The following CLHC1 variants were observed in gnomAD, a reference collection of about 807,000 sequenced individuals.
CLHC1 encodes the protein clathrin heavy chain linker domain-containing protein 1.
A neutral mutation model predicts 69.5 loss-of-function variants in CLHC1; 72 were observed. The ratio of observed to expected loss-of-function variants is 1.04; its 90% CI spans 0.86 to 1.26. The LOEUF (loss-of-function observed/expected upper bound fraction) is 1.26, where lower values mean the gene tolerates loss of function less well. Ranked by LOEUF, CLHC1 falls within the 50% of genes most tolerant of loss-of-function variation. CLHC1 has a pLI of 0.00. For missense variants in CLHC1, 790 were observed against 679.3 expected (o/e 1.16, Z -1.81); for synonymous variants, 223 against 224.3 (o/e 0.99, Z 0.05).
chr2:55,211,928 A>C (rs1406781467), intron 5 of CLHC1, among the ~76,000 whole-genome samples: 1 of 152,226 alleles, frequency 6.6e-6, no homozygotes, highest in Non-Finnish European at 1.5e-5. Context: ...AACTTAATAC[A>C]CTACAGTTTT....
intron 9 of CLHC1, among the ~76,000 whole-genome samples, chr2:55,203,830 A>C (rs908975619): frequency 2.0e-5 from 3 of 152,202 alleles, no homozygotes; most frequent in Non-Finnish European, 4.4e-5. Context: ...CAAGGTAAAA[A>C]GCTTCTGCAC....
At chr2:55,230,742 A>G (rs774127943) in intron 1 of CLHC1, among the ~76,000 whole-genome samples, 8 of 152,184 alleles carry the variant, frequency 5.3e-5, no homozygotes, top group Non-Finnish European at 1.0e-4. Context: ...TGTGTCAAAT[A>G]CTGCTGACAG....
intron 9 of CLHC1, among the ~76,000 whole-genome samples, chr2:55,184,313 C>T (rs914348511): frequency 6.6e-6 from 1 of 151,912 alleles, no homozygotes; most frequent in African/African-American, 2.4e-5. Context: ...CACCAGTTGC[C>T]CAGGCTGGTC....
intron 9 of CLHC1, among the ~76,000 whole-genome samples, chr2:55,191,268 G>A (rs532679151): frequency 1.1e-3 from 174 of 152,294 alleles, no homozygotes; most frequent in Middle Eastern, 3.4e-3. Context: ...TGCAGACGGA[G>A]TCTCTCTCTG....
chr2:55,227,409 G>T (rs930325090), intron 2 of CLHC1, among the ~76,000 whole-genome samples: 15 of 152,050 alleles, frequency 9.9e-5, no homozygotes, highest in African/African-American at 3.6e-4. Flanking sequence ...ACCAGGCGCG[G>T]TGGCTCACGC....
intron 2 of CLHC1, among the ~76,000 whole-genome samples, chr2:55,226,129 T>C (rs540036322): frequency 2.7e-4 from 41 of 150,598 alleles, no homozygotes; most frequent in Admixed American, 7.3e-4. Flanking sequence ...GAGGCGGAGG[T>C]TGCAGTGAGC....
upstream of CLHC1, chr2:55,232,487 C>T (rs770386810): frequency 1.4e-5 from 6 of 415,816 alleles, no homozygotes; most frequent in Non-Finnish European, 2.7e-5. Flanking sequence ...GTTGCTTAAA[C>T]CTACAGTTTC....
At chr2:55,197,123 G>T (rs1426036775) in intron 9 of CLHC1, among the ~76,000 whole-genome samples, 1 of 152,086 alleles carries the variant, frequency 6.6e-6, no homozygotes, top group African/African-American at 2.4e-5. Context: ...CTGCGGGAAG[G>T]AGAGGAAAAA....
chr2:55,224,377 C>G (rs1162222442), intron 2 of CLHC1: 1 of 441,376 alleles, frequency 2.3e-6, no homozygotes, highest in African/African-American at 2.0e-5. Context: ...GAAGCTCCCC[C>G]GACACCCAGT....
chr2:55,190,491 G>A (rs964072260), intron 9 of CLHC1, among the ~76,000 whole-genome samples: 1 of 152,122 alleles, frequency 6.6e-6, no homozygotes, highest in Non-Finnish European at 1.5e-5. Flanking sequence ...TATTATAACT[G>A]TATTATTTCA....
rs762260708 is a variant in CLHC1 at position 55,222,255 on chromosome 2, A to G, written c.157T>C (p.Tyr53His). The change falls in exon 3 of 13, where the codon TAC becomes CAC. Residue 53 changes from tyrosine to histidine, a missense_variant. Tyr to His is a moderately conservative substitution (Grantham distance 83). Transcript: ENST00000401408. ...GATACCTTATCAAAAACATTTCGGTATATGATGTAATATTCATCAGCAGGT... is the reference window on the plus strand; with the variant it reads ...GATACCTTATCAAAAACATTTCGGTGTATGATGTAATATTCATCAGCAGGT... Reference protein sequence around the residue: ...EGPADEYYIIYRNVFDKVIEH... With the variant: ...EGPADEYYIIHRNVFDKVIEH... 2 of 1,612,424 alleles carry G rather than the reference A, an allele frequency of 1.2e-6. No homozygotes were observed. The highest frequency in any genetic ancestry group is 2.2e-5 in the South Asian group (2 of 90,904).
At chr2:55,179,970 C>T (rs1294757689) in intron 11 of CLHC1, among the ~76,000 whole-genome samples, 6 of 151,986 alleles carry the variant, frequency 3.9e-5, no homozygotes, top group Admixed American at 2.0e-4. Context: ...CTGGCTAACA[C>T]GGTGAAACCC....
At chr2:55,194,818 T>G (rs1172348889) in intron 9 of CLHC1, among the ~76,000 whole-genome samples, 1 of 152,228 alleles carries the variant, frequency 6.6e-6, no homozygotes, top group Non-Finnish European at 1.5e-5. Flanking sequence ...GTGAAACGAT[T>G]AATATGTCAA....
At chr2:55,188,067 A>T (rs1670580591) in intron 9 of CLHC1, among the ~76,000 whole-genome samples, 1 of 152,164 alleles carries the variant, frequency 6.6e-6, no homozygotes, top group African/African-American at 2.4e-5. Flanking sequence ...TAATCCCAGC[A>T]TTTTGGGAGG....
At chr2:55,214,076 A>G (rs1673258362) in intron 4 of CLHC1, among the ~76,000 whole-genome samples, 2 of 152,202 alleles carry the variant, frequency 1.3e-5, no homozygotes, top group African/African-American at 4.8e-5. Context: ...GATTCTTGCT[A>G]AAACTGAATG....
At chr2:55,181,467 G>A in intron 10 of CLHC1, 103 bp downstream of exon 10, 13 of 925,960 alleles carry the variant, frequency 1.4e-5, no homozygotes, top group Middle Eastern at 6.2e-4. Flanking sequence ...GGGACCTGAA[G>A]TAAATGTTCA....
At chr2:55,199,466 A>T (rs1330357065) in intron 9 of CLHC1, among the ~76,000 whole-genome samples, 1 of 152,200 alleles carries the variant, frequency 6.6e-6, no homozygotes, top group Non-Finnish European at 1.5e-5. Context: ...AATTACTCAT[A>T]TCTTAAGTAG....
chr2:55,206,298 T>G lies in CLHC1; in HGVS notation c.978A>C (p.Arg326=). 1 of 1,607,064 alleles carries G rather than the reference T, an allele frequency of 6.2e-7. No homozygotes were observed. Among genetic ancestry groups the G allele is most frequent in the Non-Finnish European group, 8.5e-7 (1 of 1,173,998 alleles). Residue 326 remains arginine (R), a synonymous_variant, in exon 9 of 13, where the codon CGA becomes CGC. Coordinates refer to ENST00000401408, the MANE Select transcript of CLHC1 (RefSeq NM_152385.4). ...YAANSPRRIL[R]NIGTMNTFKA... is the part of the protein sequence containing the mutation. ...TAAATGTATTCATTGTACCAATGTT[T>G]CGAAGAATTCTTCTAGGACTGTTTG... is the stretch of plus-strand genomic sequence containing the variant.
intron 12 of CLHC1, among the ~76,000 whole-genome samples, chr2:55,177,294 C>T (rs557882599): frequency 6.6e-6 from 1 of 152,216 alleles, no homozygotes; most frequent in South Asian, 2.1e-4. Flanking sequence ...ATTTAAAATA[C>T]ATATAAAAGC....
Sources: gnomAD v4.1 joint callset for allele counts (sites outside exome capture counted in the v4.1 genomes callset) on GRCh38, gnomAD v4.1.1 for gene constraint, MANE v1.5 for transcripts, NCBI Gene and HGNC (gene_info 2026-07-23, HGNC 2026-07-21) for gene names.